Variants in SLC12A8 observed in about 807,000 individuals in gnomAD.
SLC12A8 encodes solute carrier family 12 member 8, also known as cation-chloride cotransporter 9.
A neutral mutation model predicts 75.6 loss-of-function variants in SLC12A8; 69 were observed. The ratio of observed to expected loss-of-function variants is 0.91; its 90% confidence interval spans 0.75 to 1.11. The LOEUF (loss-of-function observed/expected upper bound fraction) is 1.11, where lower values mean the gene tolerates loss of function less well. Ranked by LOEUF, SLC12A8 falls within the 50% of genes most tolerant of loss-of-function variation. The pLI, the probability that SLC12A8 is intolerant of heterozygous loss-of-function variation, is 0.00. For synonymous variants in SLC12A8, 365 were observed against 372.8 expected (o/e 0.98, Z 0.24); for missense variants, 877 against 896.7 (o/e 0.98, Z 0.28).
chr3:125,099,692 G>A (rs1056211515), intron 10 of SLC12A8, among the ~76,000 whole-genome samples: 14 of 152,178 alleles, frequency 9.2e-5, no homozygotes, highest in Admixed American at 7.9e-4. Flanking sequence ...ACTTTGGGAG[G>A]CTGAGGCATG....
At chr3:125,173,953 G>A (rs991608433) in intron 5 of SLC12A8, among the ~76,000 whole-genome samples, 1 of 151,458 alleles carries the variant, frequency 6.6e-6, no homozygotes, top group Admixed American at 6.6e-5. Flanking sequence ...TTAGTCGGGC[G>A]TGGTGGTGCA....
At chr3:125,152,936 ACC>A (rs1933963126) in intron 5 of SLC12A8, among the ~76,000 whole-genome samples, 1 of 151,932 alleles carries the variant, frequency 6.6e-6, no homozygotes, top group Admixed American at 6.6e-5. Flanking sequence ...TTTGATGACT[ACC>A]TATAGGGTGG....
At chr3:125,199,185 T>G (rs1248402328) in intron 2 of SLC12A8, among the ~76,000 whole-genome samples, 2 of 152,168 alleles carry the variant, frequency 1.3e-5, no homozygotes, top group Non-Finnish European at 2.9e-5. Flanking sequence ...TATTTATGGA[T>G]AAAAGGACAT....
rs72963826 is a variant in SLC12A8, at chr3:125,091,198, T to G, written c.1921+241A>C. 3.4e-3 allele frequency among the ~76,000 whole-genome samples: 524 copies of G among 152,308 alleles called. 2 individuals are homozygous for G. Among genetic ancestry groups the G allele is most frequent in the African/African-American group, 0.012 (505 of 41,566 alleles). ...TATACTTTCACTTCACTGCTAGCTC[T>G]TGGACTATTGTTATTCATTTTTACT... On this transcript the variant is annotated intron_variant, in intron 12 of 13. Transcript: ENST00000469902.
intron 5 of SLC12A8, among the ~76,000 whole-genome samples, chr3:125,160,624 T>A (rs1041104849): frequency 2.6e-5 from 4 of 152,180 alleles, no homozygotes; most frequent in African/African-American, 7.2e-5. Flanking sequence ...ATGAAGCGGG[T>A]GACGCTTATA....
At chr3:125,118,015 C>T (rs550848517) in intron 8 of SLC12A8, among the ~76,000 whole-genome samples, 11 of 152,376 alleles carry the variant, frequency 7.2e-5, no homozygotes, top group East Asian at 1.9e-4. Context: ...ACTGGGCTTC[C>T]GCCCGCTCCC....
intron 8 of SLC12A8, among the ~76,000 whole-genome samples, chr3:125,117,006 T>A (rs1939328252): frequency 6.6e-6 from 1 of 151,880 alleles, no homozygotes. Flanking sequence ...CACCTGGGGG[T>A]CTGTGACCTT....
intron 5 of SLC12A8, among the ~76,000 whole-genome samples, chr3:125,137,123 C>T (rs927089821): frequency 2.0e-5 from 3 of 152,182 alleles, no homozygotes; most frequent in African/African-American, 7.2e-5. Context: ...TTAATTACAG[C>T]CCAAGCTTCC....
chr3:125,138,485 T>C (rs1933547532), intron 5 of SLC12A8, among the ~76,000 whole-genome samples: 1 of 152,198 alleles, frequency 6.6e-6, no homozygotes. Context: ...ACATTTTAAA[T>C]GCTTATAAAG....
intron 12 of SLC12A8, among the ~76,000 whole-genome samples, chr3:125,090,620 A>T (rs1456005608): frequency 1.2e-4 from 19 of 152,178 alleles, no homozygotes; most frequent in Admixed American, 1.2e-3. Flanking sequence ...ATAAATGTTA[A>T]GCTTTGTTAT....
intron 2 of SLC12A8, among the ~76,000 whole-genome samples, chr3:125,210,340 G>A (rs1935312067): frequency 6.6e-6 from 1 of 152,218 alleles, no homozygotes; most frequent in Admixed American, 6.5e-5. Context: ...CAGCTGGAAG[G>A]TGTGGCAGGA....
At chr3:125,172,199 G>A (rs375853846) in intron 5 of SLC12A8, among the ~76,000 whole-genome samples, 8 of 151,748 alleles carry the variant, frequency 5.3e-5, no homozygotes, top group Non-Finnish European at 7.4e-5. Context: ...ACTTGAACCC[G>A]GGAGGTGGCA....
At chr3:125,099,399 G>A (rs1300950952) in intron 10 of SLC12A8, among the ~76,000 whole-genome samples, 4 of 152,022 alleles carry the variant, frequency 2.6e-5, no homozygotes, top group Non-Finnish European at 5.9e-5. Context: ...AGTTTTCAAC[G>A]AAAAATTACA....
chr3:125,183,514 C>T (rs1028976940), intron 4 of SLC12A8, among the ~76,000 whole-genome samples: 2 of 152,114 alleles, frequency 1.3e-5, no homozygotes, highest in African/African-American at 2.4e-5. Flanking sequence ...ACCAGCGCTG[C>T]CCCTCAACAC....
rs368227116 is a variant in SLC12A8 at position 125,211,180 on chromosome 3, T to G, written c.51+119A>C. 6 of 839,002 alleles carry G rather than the reference T, an allele frequency of 7.2e-6. No homozygotes were observed. In the East Asian group the frequency reaches 1.5e-4, roughly 20 times the overall value. The allele number at this position is 839,002 out of a possible 1,614,324, so 52.0% of individuals were successfully genotyped here. On this transcript the variant is annotated intron_variant, in intron 2 of 13. Coordinates refer to ENST00000469902, the MANE Select transcript of SLC12A8 (RefSeq NM_024628.6). ...TTCTCATTGAACTGGATGACCAAAA[T>G]AGACTTTGGAGTTAATTACATCTAA... is the stretch of plus-strand genomic sequence containing the variant.
In SLC12A8 at chr3:125,091,424, G is replaced by A; in HGVS notation, c.1921+15C>T. On this transcript the variant is annotated intron_variant, in intron 12 of 13. Coordinates refer to ENST00000469902, the MANE Select transcript of SLC12A8 (RefSeq NM_024628.6). ...AGAATGAGGGAACCAGTGGCAAAAT[G>A]GCTCTGCTGCTTACCAAGGTGAAGC... 1.3e-6 allele frequency: 2 copies of A among 1,577,790 alleles called. No homozygotes were observed. Among genetic ancestry groups the A allele is most frequent in the Admixed American group, 1.7e-5 (1 of 59,868 alleles).
chr3:125,169,573 C>T lies in SLC12A8; in HGVS notation c.622+8170G>A, dbSNP rs149038795. On this transcript the variant is annotated intron_variant, in intron 5 of 13. Coordinates refer to ENST00000469902, the MANE Select transcript of SLC12A8 (RefSeq NM_024628.6). The stretch of plus-strand genomic sequence containing the variant: ...GGGTGTGCCAGGGGAAAGCATCTGA[C>T]GAATGACACTCTGCACCTGAGTATG... 6.6e-5 allele frequency among the ~76,000 whole-genome samples: 10 copies of T among 152,244 alleles called. No homozygotes were observed. In the East Asian group the frequency reaches 9.6e-4, roughly 15 times the overall value.
At position 125,092,071 on chromosome 3, in the gene SLC12A8, A is replaced by G. The variant is rs373146043; in HGVS notation, c.1803+30T>C. 4.9e-4 allele frequency: 740 copies of G among 1,519,214 alleles called. 1 individual carries two copies. Among genetic ancestry groups the G allele is most frequent in the Non-Finnish European group, 5.7e-4 (630 of 1,095,858 alleles). The allele number at this position is 1,519,214 out of a possible 1,614,324, so 94.1% of individuals were successfully genotyped here. Reference sequence around the variant, plus strand: ...GTGTCCACCTGAACTCTGTCCCAAGAACAACTGAGATCAAGATGAAGTTAC... The same window carrying G: ...GTGTCCACCTGAACTCTGTCCCAAGGACAACTGAGATCAAGATGAAGTTAC... On this transcript the variant is annotated intron_variant, in intron 11 of 13. Transcript: ENST00000469902.
At chr3:125,091,029 C>T (rs1018802992) in intron 12 of SLC12A8, among the ~76,000 whole-genome samples, 3 of 152,054 alleles carry the variant, frequency 2.0e-5, no homozygotes, top group Admixed American at 6.6e-5. Context: ...TGATTGAGTA[C>T]TTTTTATCTC....
Sources: gnomAD v4.1 joint callset for allele counts (sites outside exome capture counted in the v4.1 genomes callset) on GRCh38, gnomAD v4.1.1 for gene constraint, MANE v1.5 for transcripts, NCBI Gene and HGNC (gene_info 2026-07-23, HGNC 2026-07-21) for gene names.